BMPR1A: variants seen among roughly 807,000 people sequenced by gnomAD.
BMPR1A encodes bone morphogenetic protein receptor type-1A.
A neutral mutation model predicts 66.0 loss-of-function variants in BMPR1A; 7 were observed. The observed-to-expected ratio is 0.11, with a 90% confidence interval of 0.06 to 0.20. The LOEUF is 0.20. Ranked by LOEUF, BMPR1A falls within the 10% of genes least tolerant of loss-of-function variation. The pLI, the probability that BMPR1A is intolerant of heterozygous loss-of-function variation, is 1.00. For missense variants in BMPR1A, 408 were observed against 669.1 expected (o/e 0.61, Z 4.31); for synonymous variants, 200 against 229.7 (o/e 0.87, Z 1.17).
At chr10:86,790,073 G>A (rs866309001) in intron 1 of BMPR1A, among the ~76,000 whole-genome samples, 7 of 140,536 alleles carry the variant, frequency 5.0e-5, no homozygotes, top group East Asian at 2.4e-4. Context: ...GGAGAATGGC[G>A]TGAACCCAGG....
At chr10:86,780,078 A>T (rs1841413101) in intron 1 of BMPR1A, among the ~76,000 whole-genome samples, 1 of 149,106 alleles carries the variant, frequency 6.7e-6, no homozygotes. Flanking sequence ...CACCTGGCCT[A>T]TTTCATTTGT....
chr10:86,890,219 A>G lies in BMPR1A; in HGVS notation c.225A>G (p.Thr75=), dbSNP rs1414026379. 2 of 1,613,984 alleles carry G rather than the reference A, an allele frequency of 1.2e-6. No homozygotes were observed. Among genetic ancestry groups the G allele is most frequent in the African/African-American group, 2.7e-5 (2 of 74,930 alleles). Residue 75 remains threonine, a synonymous_variant, in exon 4 of 13, where the codon ACA becomes ACG. Coordinates refer to ENST00000372037, the MANE Select transcript of BMPR1A (RefSeq NM_004329.3). ...GTCCAGATGATGCTATTAATAACAC[A>G]TGCATGTAAGTATTTTATGCAGCCC... ...GHCPDDAINN[T]CITNGHCFAI...
intron 1 of BMPR1A, among the ~76,000 whole-genome samples, chr10:86,834,993 C>T (rs1016083067): frequency 6.0e-5 from 9 of 151,258 alleles, no homozygotes; most frequent in Non-Finnish European, 1.3e-4. Flanking sequence ...TTGGAGTAGC[C>T]GAAGGAAAAA....
chr10:86,865,478 C>T (rs1027084156), intron 2 of BMPR1A, among the ~76,000 whole-genome samples: 4 of 152,084 alleles, frequency 2.6e-5, no homozygotes, highest in Non-Finnish European at 5.9e-5. Flanking sequence ...ATAAAACGGC[C>T]CCACCCTCAT....
chr10:86,895,643 A>G (rs1564716483), intron 5 of BMPR1A, among the ~76,000 whole-genome samples: 2 of 152,258 alleles, frequency 1.3e-5, no homozygotes. Context: ...AAAAATAAGA[A>G]TAAGATTAAT....
At chr10:86,760,713 A>G (rs1841039246) in intron 1 of BMPR1A, among the ~76,000 whole-genome samples, 2 of 152,140 alleles carry the variant, frequency 1.3e-5, no homozygotes, top group South Asian at 4.2e-4. Context: ...AACCATGGAG[A>G]GAAAGGAAAA....
chr10:86,868,557 T>G (rs1842812844), intron 2 of BMPR1A, among the ~76,000 whole-genome samples: 1 of 152,188 alleles, frequency 6.6e-6, no homozygotes, highest in Admixed American at 6.5e-5. Context: ...CTCAGAAAGC[T>G]TGTCAGACCC....
At chr10:86,856,315 GCCCT>G in intron 2 of BMPR1A, 1 of 460,024 alleles carries the variant, frequency 2.2e-6, no homozygotes, top group South Asian at 1.6e-5. Flanking sequence ...GGGAGCCCTG[GCCCT>G]CTGCAGCCCA....
intron 1 of BMPR1A, among the ~76,000 whole-genome samples, chr10:86,773,225 G>A (rs1253666169): frequency 1.5e-5 from 2 of 136,242 alleles, no homozygotes; most frequent in Non-Finnish European, 3.1e-5. Flanking sequence ...CATTTGATAT[G>A]TTCTTCAGTA....
intron 2 of BMPR1A, among the ~76,000 whole-genome samples, chr10:86,871,126 C>A (rs1484946710): frequency 6.6e-6 from 1 of 152,196 alleles, no homozygotes; most frequent in Non-Finnish European, 1.5e-5. Flanking sequence ...TCCCGTCTTT[C>A]TTTGCCTGAC....
At chr10:86,756,574 C>T (rs928873316), upstream of BMPR1A, 3 of 150,458 alleles carry the variant, frequency 2.0e-5, no homozygotes, top group African/African-American at 7.3e-5. Flanking sequence ...GACGCCCGCC[C>T]CTCCCCCAGG....
chr10:86,892,804 A>G (rs911024397), intron 5 of BMPR1A, among the ~76,000 whole-genome samples: 7 of 150,650 alleles, frequency 4.6e-5, no homozygotes, highest in South Asian at 2.1e-4. Context: ...CCAAGGTTGC[A>G]GTTAGCCGAG....
intron 1 of BMPR1A, among the ~76,000 whole-genome samples, chr10:86,821,000 A>G (rs1842113880): frequency 1.3e-5 from 2 of 152,226 alleles, no homozygotes; most frequent in Non-Finnish European, 2.9e-5. Context: ...ACCTATTGTT[A>G]AGCTCTAGGG....
intron 2 of BMPR1A, among the ~76,000 whole-genome samples, chr10:86,849,539 G>A (rs1277824340): frequency 2.0e-5 from 3 of 152,174 alleles, no homozygotes; most frequent in Admixed American, 6.5e-5. Flanking sequence ...TAACTTCTGT[G>A]CCTTAGATCC....
chr10:86,824,485 A>C (rs989469989), intron 1 of BMPR1A, among the ~76,000 whole-genome samples: 5 of 151,952 alleles, frequency 3.3e-5, no homozygotes, highest in African/African-American at 1.2e-4. Context: ...CCCATCTAAA[A>C]CTTTCTTCCC....
intron 1 of BMPR1A, among the ~76,000 whole-genome samples, chr10:86,770,319 G>A (rs1589707281): frequency 6.6e-6 from 1 of 152,304 alleles, no homozygotes; most frequent in South Asian, 2.1e-4. Context: ...AACTGAGGCA[G>A]GAGGACTGCC....
chr10:86,869,345 C>T (rs1842824219), intron 2 of BMPR1A, among the ~76,000 whole-genome samples: 2 of 151,504 alleles, frequency 1.3e-5, no homozygotes, highest in South Asian at 4.2e-4. Context: ...GTAGTCCCAG[C>T]TACTCCGAGG....
At chr10:86,883,742 C>G (rs1843026542) in intron 3 of BMPR1A, among the ~76,000 whole-genome samples, 1 of 151,820 alleles carries the variant, frequency 6.6e-6, no homozygotes, top group Non-Finnish European at 1.5e-5. Flanking sequence ...TGTACTCCAG[C>G]CTGGGCAACA....
intron 2 of BMPR1A, chr10:86,855,514 T>C (rs1842628679): frequency 4.4e-6 from 2 of 455,682 alleles, no homozygotes; most frequent in Non-Finnish European, 7.9e-6. Flanking sequence ...GAAATAGTAC[T>C]ATTTTTTGAA....
Sources: allele counts gnomAD v4.1 joint callset (sites outside exome capture counted in the v4.1 genomes callset), GRCh38; gene constraint gnomAD v4.1.1; transcripts MANE v1.5; gene names NCBI Gene and HGNC (gene_info 2026-07-23, HGNC 2026-07-21).